The following PRIM2 variants were observed in gnomAD, a reference collection of about 807,000 sequenced individuals.
The protein encoded by PRIM2 is DNA primase large subunit.
PRIM2 carries 39 observed loss-of-function variants against 67.3 expected under a neutral mutation model. The ratio of observed to expected loss-of-function variants is 0.58; its 90% confidence interval spans 0.45 to 0.76. PRIM2 has a LOEUF of 0.76. PRIM2 is among the 30% of genes least tolerant of loss of function. PRIM2 has a pLI of 0.00. For synonymous variants in PRIM2, 143 were observed against 198.7 expected (o/e 0.72, Z 2.36); for missense variants, 398 against 598.7 (o/e 0.66, Z 3.50).
At chr6:57,352,681 A>G (rs571245995) in intron 5 of PRIM2, among the ~76,000 whole-genome samples, 107 of 152,172 alleles carry the variant, frequency 7.0e-4, no homozygotes, top group African/African-American at 2.3e-3. Context: ...ATTTCTTCCA[A>G]TGAAAATGGG....
intron 5 of PRIM2, among the ~76,000 whole-genome samples, chr6:57,347,765 C>T (rs1169103954): frequency 6.6e-6 from 1 of 152,168 alleles, no homozygotes; most frequent in Non-Finnish European, 1.5e-5. Context: ...ATTTAATCCT[C>T]ACAACAGCTC....
intron 7 of PRIM2, among the ~76,000 whole-genome samples, chr6:57,402,297 C>G (rs1183370541): frequency 5.3e-5 from 8 of 152,188 alleles, no homozygotes; most frequent in Admixed American, 2.6e-4. Flanking sequence ...CCCAAACACA[C>G]CTGTAGTTGG....
At chr6:57,258,992 C>A in the PRIM2 span, among the ~76,000 whole-genome samples, 1 of 152,156 alleles carries the variant, frequency 6.6e-6, no homozygotes, top group Middle Eastern at 3.2e-3. Context: ...CAAATATTGA[C>A]CATAACTTAC....
the PRIM2 span, among the ~76,000 whole-genome samples, chr6:57,272,497 C>T: frequency 6.6e-6 from 1 of 152,114 alleles, no homozygotes; most frequent in Non-Finnish European, 1.5e-5. Context: ...TCCTCCATCC[C>T]TTTATTTTGA....
At chr6:57,252,327 C>T in the PRIM2 span, among the ~76,000 whole-genome samples, 2 of 152,182 alleles carry the variant, frequency 1.3e-5, no homozygotes, top group Non-Finnish European at 2.9e-5. Flanking sequence ...CAATTTTATA[C>T]GCATTATTTA....
chr6:57,348,591 T>A lies in PRIM2; in HGVS notation c.459+22546T>A, dbSNP rs377427344. On this transcript the variant is annotated intron_variant, in intron 5 of 13. Coordinates refer to ENST00000615550, the MANE Select transcript of PRIM2 (RefSeq NM_000947.5). ...CTATAGGGGTTATAGTCACCCCTGC[T>A]GGATATTTTGGCCATCTTTATGGTA... Among the ~76,000 whole-genome samples the A allele has an allele frequency of 2.0e-5, 3 of 152,234 alleles. No homozygotes were observed. The South Asian group carries it at 6.2e-4, about 32-fold the overall frequency.
intron 12 of PRIM2, among the ~76,000 whole-genome samples, chr6:57,616,237 T>C (rs1235962721): frequency 6.6e-6 from 1 of 152,228 alleles, no homozygotes; most frequent in Non-Finnish European, 1.5e-5. Context: ...ATGGAGGCTT[T>C]ACACAAATAA....
intron 7 of PRIM2, among the ~76,000 whole-genome samples, chr6:57,433,816 C>T (rs535551114): frequency 2.6e-4 from 40 of 152,108 alleles, no homozygotes; most frequent in African/African-American, 7.0e-4. Context: ...ATTCAAATTT[C>T]CTAAAGCTTG....
At chr6:57,435,584 G>A (rs1581901689) in intron 7 of PRIM2, among the ~76,000 whole-genome samples, 1 of 152,208 alleles carries the variant, frequency 6.6e-6, no homozygotes, top group East Asian at 1.9e-4. Context: ...CTAAGATCCT[G>A]TTGAAGGGAC....
chr6:57,336,065 G>C (rs902234922), intron 5 of PRIM2, among the ~76,000 whole-genome samples: 5 of 152,130 alleles, frequency 3.3e-5, no homozygotes, highest in Admixed American at 6.5e-5. Flanking sequence ...GAAGAATGCA[G>C]AAGCCTCAGG....
At chr6:57,266,003 A>G in the PRIM2 span, among the ~76,000 whole-genome samples, 1 of 152,224 alleles carries the variant, frequency 6.6e-6, no homozygotes, top group Non-Finnish European at 1.5e-5. Flanking sequence ...AAACTATAAG[A>G]AAAGGAGAAT....
intron 7 of PRIM2, among the ~76,000 whole-genome samples, chr6:57,400,873 G>A (rs1179660949): frequency 6.6e-6 from 1 of 152,152 alleles, no homozygotes; most frequent in Non-Finnish European, 1.5e-5. Flanking sequence ...TAAGTTCTGA[G>A]ATTCTTTCTT....
At chr6:57,421,044 A>G (rs1771443743) in intron 7 of PRIM2, among the ~76,000 whole-genome samples, 1 of 152,234 alleles carries the variant, frequency 6.6e-6, no homozygotes, top group African/African-American at 2.4e-5. Flanking sequence ...GGAAGGAGAC[A>G]GTGAAGAAAT....
chr6:57,421,481 A>G (rs1220575631), intron 7 of PRIM2, among the ~76,000 whole-genome samples: 1 of 152,214 alleles, frequency 6.6e-6, no homozygotes, highest in Non-Finnish European at 1.5e-5. Flanking sequence ...TTGCTTTACA[A>G]TTTTAGTGTT....
chr6:57,603,483 G>A (rs2127492159), intron 11 of PRIM2, among the ~76,000 whole-genome samples: 1 of 152,266 alleles, frequency 6.6e-6, no homozygotes, highest in East Asian at 1.9e-4. Context: ...TTGAAGGTCA[G>A]ATAGTTGTAA....
At chr6:57,411,602 T>C (rs1771090289) in intron 7 of PRIM2, among the ~76,000 whole-genome samples, 1 of 151,830 alleles carries the variant, frequency 6.6e-6, no homozygotes, top group African/African-American at 2.4e-5. Flanking sequence ...TTGACAATAT[T>C]GTTTAAATTT....
At chr6:57,322,014 A>G (rs1377876980) in intron 3 of PRIM2, among the ~76,000 whole-genome samples, 1 of 152,214 alleles carries the variant, frequency 6.6e-6, no homozygotes, top group Non-Finnish European at 1.5e-5. Context: ...ATGGGCCCTT[A>G]TAGATAGGGG....
chr6:57,443,157 A>G (rs62399072), intron 7 of PRIM2, among the ~76,000 whole-genome samples: 1 of 152,016 alleles, frequency 6.6e-6, no homozygotes, highest in Admixed American at 6.5e-5. Flanking sequence ...CTGTTGATAG[A>G]TACTTAGGTT....
the PRIM2 span, among the ~76,000 whole-genome samples, chr6:57,278,663 G>GC: frequency 6.7e-6 from 1 of 149,144 alleles, no homozygotes; most frequent in East Asian, 2.0e-4. Flanking sequence ...GACACAATGT[G>GC]TTTTTTTTTT....
Sources: allele counts gnomAD v4.1 joint callset (sites outside exome capture counted in the v4.1 genomes callset), GRCh38; gene constraint gnomAD v4.1.1; transcripts MANE v1.5; gene names NCBI Gene and HGNC (gene_info 2026-07-23, HGNC 2026-07-21).